Variants in SLC15A1 observed in about 807,000 individuals in gnomAD.
SLC15A1 encodes Caco-2 oligopeptide transporter.
A neutral mutation model predicts 92.9 loss-of-function variants in SLC15A1; 83 were observed. The observed-to-expected ratio is 0.89, with a 90% confidence interval of 0.75 to 1.07. The LOEUF (loss-of-function observed/expected upper bound fraction) is 1.07, where lower values mean the gene tolerates loss of function less well. Among genes scored for constraint, SLC15A1 ranks in the 50% least tolerant of loss-of-function variants. The probability of loss-of-function intolerance (pLI) is 0.00; values close to 1 mark genes in which losing one functional copy is unlikely to be tolerated. For missense variants in SLC15A1, 857 were observed against 880.1 expected, an observed-to-expected ratio of 0.97 and a Z score of 0.33; for synonymous variants, 322 against 318.2, an observed-to-expected ratio of 1.01 and a Z score of -0.13.
chr13:98,715,542 C>A (rs9517416), intron 9 of SLC15A1, among the ~76,000 whole-genome samples: 17,213 of 152,182 alleles, frequency 0.11, 1,245 homozygotes, highest in East Asian at 0.37. Context: ...GAGACTCTTG[C>A]TACACATTGC....
intron 15 of SLC15A1, among the ~76,000 whole-genome samples, chr13:98,708,234 T>C (rs2088131593): frequency 6.6e-6 from 1 of 152,112 alleles, no homozygotes; most frequent in Admixed American, 6.5e-5. Flanking sequence ...CTACCAGCAT[T>C]AGTCTAGTTT....
intron 7 of SLC15A1, among the ~76,000 whole-genome samples, chr13:98,720,188 CT>C (rs2088245411): frequency 1.3e-5 from 2 of 152,056 alleles, no homozygotes; most frequent in Admixed American, 6.6e-5. Flanking sequence ...AATTTTCCCC[CT>C]ATAAAGAATA....
chr13:98,734,891 C>A (rs4644732), intron 1 of SLC15A1, among the ~76,000 whole-genome samples: 1 of 151,996 alleles, frequency 6.6e-6, no homozygotes, highest in Non-Finnish European at 1.5e-5. Context: ...GATTCACAGC[C>A]GAATTTAAAG....
Position 98,726,196 on chromosome 13 carries a change from T to C in SLC15A1, c.172A>G (p.Thr58Ala). The C allele has an allele frequency of 6.2e-7, 1 of 1,613,570 alleles. No homozygotes were observed. Among genetic ancestry groups the C allele is most frequent in the Non-Finnish European group, 8.5e-7 (1 of 1,179,898 alleles). ...DDNLSTAIYH[T>A]FVALCYLTPI... ...GTCAGGTAGCACAGAGCCACAAACG[T>C]ATGGTAGATGGCGGTGGACAGGTTA... is the stretch of plus-strand genomic sequence containing the variant. Residue 58 changes from threonine (T) to alanine (A), a missense_variant, in exon 4 of 23, where the codon ACG (threonine) becomes GCG (alanine). Transcript: ENST00000376503.
Position 98,752,626 on chromosome 13 carries a change from C to A in SLC15A1, c.-28G>T. The A allele has an allele frequency of 8.0e-7, 1 of 1,252,708 alleles. No homozygotes were observed. Among genetic ancestry groups the A allele is most frequent in the South Asian group, 3.3e-5 (1 of 30,246 alleles). 77.6% of individuals were successfully genotyped at this position (1,252,708 alleles called of 1,614,324 possible). On this transcript the variant is annotated 5_prime_UTR_variant, in exon 1 of 23. In the 5' UTR this introduces an upstream ATG that the reference lacks. Transcript: ENST00000376503. ...CGGCGGCTCCCAGGGCTCCTGCGAC[C>A]TGCCGGCGGGACGTGCTCCTGGCAG...
chr13:98,683,957 C>T lies in SLC15A1; in HGVS notation c.*767G>A, dbSNP rs993345234. The stretch of plus-strand genomic sequence containing the variant: ...CAAAGGTAAAGTTATCAGTTAATAC[C>T]AGCTGGTCCTTATCACAGCCATTTC... On this transcript the variant is annotated 3_prime_UTR_variant, in exon 23 of 23. Coordinates refer to ENST00000376503, the MANE Select transcript of SLC15A1 (RefSeq NM_005073.4). 2.0e-5 allele frequency: 3 copies of T among 152,104 alleles called. No individual in the cohort carries two copies. The highest frequency in any genetic ancestry group is 7.2e-5 in the African/African-American group (3 of 41,418). The allele number at this position is 152,104 out of a possible 1,614,324, so 9.4% of individuals were successfully genotyped here.
At chr13:98,693,613 A>G (rs1315770348) in intron 18 of SLC15A1, among the ~76,000 whole-genome samples, 2 of 152,226 alleles carry the variant, frequency 1.3e-5, no homozygotes, top group African/African-American at 4.8e-5. Context: ...TATTCTGGAT[A>G]TAAGTCCCTT....
At position 98,742,716 on chromosome 13, in the gene SLC15A1, C is replaced by G. The variant is rs139424958; in HGVS notation, c.4+9879G>C. ...TCACCTCCACCTCTGCCACCATACTCACGTGGCGCTTGCCCTGTGTATGAG... is the reference window on the plus strand; with the variant it reads ...TCACCTCCACCTCTGCCACCATACTGACGTGGCGCTTGCCCTGTGTATGAG... On this transcript the variant is annotated intron_variant, in intron 1 of 22. Coordinates refer to ENST00000376503, the MANE Select transcript of SLC15A1 (RefSeq NM_005073.4). Among the ~76,000 whole-genome samples, 864 of 152,310 alleles carry G rather than the reference C, an allele frequency of 5.7e-3. 21 individuals carry two copies. Among genetic ancestry groups the G allele is most frequent in the Admixed American group, 0.043 (660 of 15,300 alleles).
chr13:98,746,678 G>T (rs3782997), intron 1 of SLC15A1, among the ~76,000 whole-genome samples: 1 of 151,994 alleles, frequency 6.6e-6, no homozygotes, highest in Non-Finnish European at 1.5e-5. Context: ...GCCTTCTTAT[G>T]GAAGTACATT....
chr13:98,688,376 T>C lies in SLC15A1; in HGVS notation c.1575-20A>G, dbSNP rs769929246. On this transcript the variant is annotated intron_variant, in intron 19 of 22. Coordinates refer to ENST00000376503, the MANE Select transcript of SLC15A1 (RefSeq NM_005073.4). ...CCTTTTCTATCAAAATAAAGAATAA[T>C]ATTGGTTAACATTCTTGGCATTAAA... 5.0e-6 allele frequency: 8 copies of C among 1,608,968 alleles called. No homozygotes were observed. In the East Asian group the frequency reaches 1.6e-4, roughly 31 times the overall value.
intron 18 of SLC15A1, among the ~76,000 whole-genome samples, chr13:98,693,973 C>G (rs555644147): frequency 1.3e-5 from 2 of 152,310 alleles, no homozygotes; most frequent in East Asian, 3.9e-4. Context: ...GGCCACATAT[C>G]TCCCCAGGTG....
rs74109677 is a variant in SLC15A1 at position 98,732,229 on chromosome 13, G to A, written c.5-5370C>T. On this transcript the variant is annotated intron_variant, in intron 1 of 22. Transcript: ENST00000376503. ...CAGAGGCATATTTGAGTAGCCTAAT[G>A]TTTCTAGTATTACTCTGGGGTCCCT... 7.3e-3 allele frequency among the ~76,000 whole-genome samples: 1,104 copies of A among 152,264 alleles called. 13 individuals carry two copies. Among genetic ancestry groups the A allele is most frequent in the African/African-American group, 0.025 (1,042 of 41,528 alleles).
chr13:98,721,907 G>C lies in SLC15A1; in HGVS notation c.366-4C>G, dbSNP rs1406782873. The C allele has an allele frequency of 1.9e-6, 3 of 1,610,612 alleles. No homozygotes were observed. Among genetic ancestry groups the C allele is most frequent in the Non-Finnish European group, 2.5e-6 (3 of 1,177,906 alleles). ...CAGGCCGATCAAGGACAGCACCCTGGGAAAGACAGGGTGTTAGGGCCAACA... is the reference window on the plus strand; with the variant it reads ...CAGGCCGATCAAGGACAGCACCCTGCGAAAGACAGGGTGTTAGGGCCAACA... On this transcript the variant is annotated splice_polypyrimidine_tract_variant and splice_region_variant and intron_variant, in intron 5 of 22. Coordinates refer to ENST00000376503, the MANE Select transcript of SLC15A1 (RefSeq NM_005073.4).
intron 1 of SLC15A1, among the ~76,000 whole-genome samples, chr13:98,731,003 G>A (rs1361131242): frequency 6.6e-6 from 1 of 152,100 alleles, no homozygotes; most frequent in Admixed American, 6.6e-5. Context: ...AGGTCACCTC[G>A]GACCGTCACT....
intron 17 of SLC15A1, among the ~76,000 whole-genome samples, chr13:98,703,759 C>T (rs146014988): frequency 5.9e-5 from 9 of 151,822 alleles, no homozygotes; most frequent in African/African-American, 1.9e-4. Context: ...GGTCTCACTG[C>T]GTTGTCCAGG....
intron 16 of SLC15A1, 40 bp downstream of exon 16, chr13:98,706,094 C>A: frequency 6.3e-7 from 1 of 1,591,134 alleles, no homozygotes; most frequent in South Asian, 1.2e-5. Flanking sequence ...ATAACAGGGT[C>A]AGAAGATGAA....
At chr13:98,726,293 G>A (rs371575253) in intron 3 of SLC15A1, 29 bp from the exon 4 acceptor site, 7 of 1,613,442 alleles carry the variant, frequency 4.3e-6, no homozygotes, top group African/African-American at 2.7e-5. Context: ...GGAAGAGGAG[G>A]GGGAAACAAA....
At chr13:98,699,785 A>G (rs2088053003) in intron 18 of SLC15A1, among the ~76,000 whole-genome samples, 1 of 152,188 alleles carries the variant, frequency 6.6e-6, no homozygotes, top group Non-Finnish European at 1.5e-5. Context: ...TGGTATTGTC[A>G]AGGTTAAAAC....
intron 1 of SLC15A1, among the ~76,000 whole-genome samples, chr13:98,748,575 G>A (rs9300508): frequency 0.8 from 122,417 of 152,164 alleles, 49,272 homozygotes; most frequent in Non-Finnish European, 0.82. Context: ...GATTACAGGC[G>A]TAAGCCGCAG....
Sources: allele counts gnomAD v4.1 joint callset (sites outside exome capture counted in the v4.1 genomes callset), GRCh38; gene constraint gnomAD v4.1.1; transcripts MANE v1.5; gene names NCBI Gene and HGNC (gene_info 2026-07-23, HGNC 2026-07-21).